FBXO34: variants seen among roughly 807,000 people sequenced by gnomAD.
FBXO34 encodes F-box only protein 34.
In FBXO34, 12 loss-of-function variants were observed where a neutral mutation model predicts 24.5. The observed-to-expected ratio is 0.49, with a 90% CI of 0.31 to 0.79. FBXO34 has a LOEUF of 0.79. Among genes scored for constraint, FBXO34 ranks in the 30% least tolerant of loss-of-function variants. The pLI, the probability that FBXO34 is intolerant of heterozygous loss-of-function variation, is 0.04. For missense variants in FBXO34, 823 were observed against 857.7 expected, an observed-to-expected ratio of 0.96 and a Z score of 0.51; for synonymous variants, 320 against 311.9, an observed-to-expected ratio of 1.03 and a Z score of -0.27.
chr14:55,395,962 C>T, the FBXO34 span: 2 of 1,595,036 alleles, frequency 1.3e-6, no homozygotes, highest in Non-Finnish European at 1.7e-6. Flanking sequence ...TATCCATTTT[C>T]CTTCCATAGC....
chr14:55,324,137 T>C (rs977943151), intron 1 of FBXO34, among the ~76,000 whole-genome samples: 2 of 152,128 alleles, frequency 1.3e-5, no homozygotes, highest in African/African-American at 4.8e-5. Context: ...TTGTACTTTC[T>C]GTCTATAGAA....
the FBXO34 span, among the ~76,000 whole-genome samples, chr14:55,381,579 A>G: frequency 6.6e-6 from 1 of 152,278 alleles, no homozygotes; most frequent in Non-Finnish European, 1.5e-5. Context: ...AAAACGAATG[A>G]AACACTAATA....
chr14:55,302,453 G>GT (rs796083398), intron 1 of FBXO34, among the ~76,000 whole-genome samples: 7,948 of 133,338 alleles, frequency 0.06, 294 homozygotes, highest in South Asian at 0.09. Context: ...CCTCTTTTTT[G>GT]TTTTTTTTTT....
chr14:55,420,068 T>G, the FBXO34 span, among the ~76,000 whole-genome samples: 3 of 152,132 alleles, frequency 2.0e-5, no homozygotes, highest in Non-Finnish European at 4.4e-5. Context: ...TTAAGGTTTT[T>G]TTTGTTTGTT....
rs1317054430 is a variant in FBXO34 at position 55,352,725 on chromosome 14, C to A, written c.*199C>A. On this transcript the variant is annotated 3_prime_UTR_variant, in exon 2 of 2. Coordinates refer to ENST00000313833, the MANE Select transcript of FBXO34 (RefSeq NM_017943.4). Reference sequence around the variant, plus strand: ...TTGGTCTTGTTGTTTATAGTGGCATCTCATGTTTGAACCCGGGTGGTATCC... The same window carrying A: ...TTGGTCTTGTTGTTTATAGTGGCATATCATGTTTGAACCCGGGTGGTATCC... 1 of 541,620 alleles carries A rather than the reference C, an allele frequency of 1.8e-6. No homozygotes were observed. The highest frequency in any genetic ancestry group is 3.3e-6 in the Non-Finnish European group (1 of 306,780). The allele number at this position is 541,620 out of a possible 1,614,324, so 33.6% of individuals were successfully genotyped here.
At chr14:55,366,904 A>C (rs556837951), downstream of FBXO34, 1 of 152,784 alleles carries the variant, frequency 6.5e-6, no homozygotes, top group South Asian at 2.1e-4. Flanking sequence ...ATGTATACTT[A>C]AGAGTATTTA....
chr14:55,311,734 TTTG>T (rs1306396737), intron 1 of FBXO34, among the ~76,000 whole-genome samples: 2 of 152,018 alleles, frequency 1.3e-5, no homozygotes, highest in Non-Finnish European at 2.9e-5. Flanking sequence ...TATTTTGTTG[TTTG>T]TTTTTTTGAG....
chr14:55,441,613 G>C, the FBXO34 span, among the ~76,000 whole-genome samples: 2 of 152,274 alleles, frequency 1.3e-5, no homozygotes, highest in Non-Finnish European at 2.9e-5. Context: ...ACAAAACAGT[G>C]TGTTGCTGCA....
the FBXO34 span, among the ~76,000 whole-genome samples, chr14:55,425,961 C>A: frequency 6.6e-6 from 1 of 152,118 alleles, no homozygotes; most frequent in Non-Finnish European, 1.5e-5. Context: ...TATCAGGATA[C>A]CTTTGAATTA....
the FBXO34 span, chr14:55,436,981 G>A: frequency 3.1e-6 from 5 of 1,614,208 alleles, no homozygotes; most frequent in Middle Eastern, 1.6e-4. Flanking sequence ...AGGTACAACT[G>A]GGCTGAACAG....
the FBXO34 span, among the ~76,000 whole-genome samples, chr14:55,415,223 C>CT: frequency 1.8e-4 from 27 of 152,092 alleles, no homozygotes; most frequent in Non-Finnish European, 3.1e-4. Flanking sequence ...ATCAGTTAAT[C>CT]TGATATTTTG....
At chr14:55,390,063 C>T in the FBXO34 span, among the ~76,000 whole-genome samples, 5 of 152,094 alleles carry the variant, frequency 3.3e-5, no homozygotes, top group African/African-American at 1.2e-4. Context: ...CAAATGGGAA[C>T]ATACATTCCT....
At chr14:55,440,513 C>G in the FBXO34 span, 1 of 1,611,018 alleles carries the variant, frequency 6.2e-7, no homozygotes, top group South Asian at 1.1e-5. Context: ...CGAGCAGCCT[C>G]GGAACCCGCT....
chr14:55,326,385 CAGGT>C (rs1883344320), intron 1 of FBXO34, among the ~76,000 whole-genome samples: 1 of 152,190 alleles, frequency 6.6e-6, no homozygotes, highest in South Asian at 2.1e-4. Flanking sequence ...GTGAGGGCTG[CAGGT>C]AATCTTTGGT....
chr14:55,350,635 G>C lies in FBXO34; in HGVS notation c.245G>C (p.Ser82Thr). Reference protein sequence around the residue: ...SMSGKSPVESSLNVKTKKNAP... With the variant: ...SMSGKSPVESTLNVKTKKNAP... ...AGTGGGAAGAGTCCTGTAGAGAGCA[G>C]CTTGAATGTTAAAACCAAAAAGAAT... The change falls in exon 2 of 2, where the codon AGC becomes ACC. Residue 82 changes from serine (S) to threonine (T), a missense_variant. Physicochemically the swap from Ser to Thr is moderately conservative, Grantham distance 58 (BLOSUM62 1). Transcript: ENST00000313833. The C allele has an allele frequency of 6.2e-7, 1 of 1,613,424 alleles. No individual in the cohort carries two copies. The highest frequency in any genetic ancestry group is 1.3e-5 in the African/African-American group (1 of 74,946).
At chr14:55,372,073 T>C (rs1264108270), downstream of FBXO34, among the ~76,000 whole-genome samples, 2 of 152,096 alleles carry the variant, frequency 1.3e-5, no homozygotes, top group East Asian at 3.9e-4. Context: ...TCTTTTCCGA[T>C]TCCTCTCCTA....
At chr14:55,376,104 G>A in the FBXO34 span, among the ~76,000 whole-genome samples, 1 of 152,140 alleles carries the variant, frequency 6.6e-6, no homozygotes, top group African/African-American at 2.4e-5. Context: ...GTCTACTACT[G>A]TGGAGTCAGC....
chr14:55,314,728 T>A (rs1231809477), intron 1 of FBXO34, among the ~76,000 whole-genome samples: 1 of 152,226 alleles, frequency 6.6e-6, no homozygotes, highest in Non-Finnish European at 1.5e-5. Flanking sequence ...AAATTTAATC[T>A]GAAAAAAGAA....
At chr14:55,275,397 G>C (rs1240422774) in intron 1 of FBXO34, among the ~76,000 whole-genome samples, 1 of 152,132 alleles carries the variant, frequency 6.6e-6, no homozygotes, top group South Asian at 2.1e-4. Flanking sequence ...TTCTGTGCCA[G>C]GTACTCAGAT....
Sources: allele counts gnomAD v4.1 joint callset (sites outside exome capture counted in the v4.1 genomes callset), GRCh38; gene constraint gnomAD v4.1.1; transcripts MANE v1.5; gene names NCBI Gene and HGNC (gene_info 2026-07-23, HGNC 2026-07-21).